Variants in MEGF6 observed in about 807,000 individuals in gnomAD.
MEGF6 encodes multiple epidermal growth factor-like domains protein 6.
A neutral mutation model predicts 207.1 loss-of-function variants in MEGF6; 184 were observed. The observed-to-expected ratio is 0.89, with a 90% CI of 0.79 to 1.00. The LOEUF (loss-of-function observed/expected upper bound fraction) is 1.00. Ranked by LOEUF, MEGF6 falls within the 50% of genes least tolerant of loss-of-function variation. The probability of loss-of-function intolerance (pLI) is 0.00; values close to 1 mark genes in which losing one functional copy is unlikely to be tolerated. For synonymous variants in MEGF6, 1,038 were observed against 910.0 expected (o/e 1.14, Z -2.53); for missense variants, 2,282 against 2,202.9 (o/e 1.04, Z -0.72).
intron 4 of MEGF6, among the ~76,000 whole-genome samples, chr1:3,563,368 C>T (rs954124477): frequency 3.3e-5 from 5 of 152,124 alleles, no homozygotes; most frequent in African/African-American, 4.8e-5. Context: ...AGCCTCCCAC[C>T]GCCCAGACCA....
intron 2 of MEGF6, among the ~76,000 whole-genome samples, chr1:3,598,670 G>A (rs180883218): frequency 2.7e-5 from 4 of 150,466 alleles, no homozygotes; most frequent in Admixed American, 1.3e-4. Context: ...GGGCTCCAAC[G>A]CTGGGGAGCT....
At position 3,517,123 on chromosome 1, in the gene MEGF6, G is replaced by A. The variant is rs150376225; in HGVS notation, c.605-1596C>T. Among the ~76,000 whole-genome samples the A allele has an allele frequency of 1.3e-5, 2 of 152,336 alleles. 1 individual carries two copies. Among genetic ancestry groups the A allele is most frequent in the Non-Finnish European group, 2.9e-5 (2 of 68,018 alleles). The stretch of plus-strand genomic sequence containing the variant: ...AGGGGCCCTGTTTATTGTGTTCACC[G>A]CAGCAACAGCACCCCTGTCTGGAAC... On this transcript the variant is annotated intron_variant, in intron 5 of 36. Transcript: ENST00000356575.
intron 4 of MEGF6, among the ~76,000 whole-genome samples, chr1:3,561,881 C>T (rs1254511983): frequency 6.6e-6 from 1 of 152,232 alleles, no homozygotes; most frequent in Non-Finnish European, 1.5e-5. Flanking sequence ...GCTTTTCGTT[C>T]CCATTTGTTT....
At chr1:3,517,952 C>T (rs1641607698) in intron 5 of MEGF6, among the ~76,000 whole-genome samples, 1 of 152,354 alleles carries the variant, frequency 6.6e-6, no homozygotes, top group Middle Eastern at 3.4e-3. Context: ...TGATGGTCAG[C>T]ATGCATAATC....
intron 7 of MEGF6, among the ~76,000 whole-genome samples, chr1:3,512,727 C>T (rs1222055260): frequency 2.0e-5 from 3 of 152,254 alleles, no homozygotes; most frequent in African/African-American, 7.2e-5. Context: ...CCGCCCCAAG[C>T]CATGTGGAAC....
intron 4 of MEGF6, chr1:3,531,335 C>A (rs3927734): frequency 4.9e-6 from 6 of 1,220,592 alleles, no homozygotes; most frequent in Non-Finnish European, 6.1e-6. Context: ...GCGGCTCGGG[C>A]TGGTTCTGGG....
At chr1:3,498,901 C>T (rs897871562) in intron 24 of MEGF6, 75 bp from the exon 25 acceptor site, 1 of 1,520,826 alleles carries the variant, frequency 6.6e-7, no homozygotes, top group Non-Finnish European at 8.9e-7. Flanking sequence ...GCTTTCCAGC[C>T]CCATGTTGGA....
chr1:3,622,222 G>A, the MEGF6 span, among the ~76,000 whole-genome samples: 4 of 152,198 alleles, frequency 2.6e-5, no homozygotes, highest in Non-Finnish European at 4.4e-5. Context: ...TGTCGAGGGA[G>A]GGACCTGGTG....
intron 4 of MEGF6, among the ~76,000 whole-genome samples, chr1:3,553,718 A>C (rs1642955151): frequency 6.6e-6 from 1 of 152,164 alleles, no homozygotes; most frequent in Non-Finnish European, 1.5e-5. Context: ...GCTGGCCCGG[A>C]GTCCACCACG....
chr1:3,501,286 C>T lies in MEGF6; in HGVS notation c.2337G>A (p.Gly779=). Residue 779 remains glycine, a synonymous_variant, in exon 19 of 37, where the codon GGG becomes GGA. Coordinates refer to ENST00000356575, the MANE Select transcript of MEGF6 (RefSeq NM_001409.4). ...CTGGGCAGATCTCCTGGCAGCCCAG[C>T]CCCCAGCGGCCCTCGGGACAATCTA... ...CEADCPEGRW[G]LGCQEICPAC... The T allele has an allele frequency of 6.2e-7, 1 of 1,601,930 alleles. No homozygotes were observed. Among genetic ancestry groups the T allele is most frequent in the South Asian group, 1.1e-5 (1 of 89,770 alleles).
chr1:3,498,886 GTCTGGCTTTCCAGCC>G (rs1377255008), intron 24 of MEGF6, 60 bp from the exon 25 acceptor site: 419 of 1,532,636 alleles, frequency 2.7e-4, no homozygotes, highest in Non-Finnish European at 3.5e-4. Flanking sequence ...CACAGGGTCT[GTCTGGCTTTCCAGCC>G]CCATGTTGGA....
In MEGF6 at chr1:3,512,122, T is replaced by C; in HGVS notation, c.860A>G (p.Asp287Gly). 6.2e-7 allele frequency: 1 copy of C among 1,606,300 alleles called. No homozygotes were observed. The highest frequency in any genetic ancestry group is 1.3e-5 in the African/African-American group (1 of 74,942). ...CTGGGCCAGCCCTGCGGCACATTCG[T>C]CCACATCTGGAGGGGAGAGACCACA... is the stretch of plus-strand genomic sequence containing the variant. ...AADGKACEDV[D>G]ECAAGLAQCA... The change falls in exon 8 of 37, where the codon GAC (aspartate) becomes GGC (glycine). Residue 287 changes from aspartate to glycine, a missense_variant. Transcript: ENST00000356575.
chr1:3,600,993 G>A (rs929927919), intron 2 of MEGF6, among the ~76,000 whole-genome samples: 1 of 152,178 alleles, frequency 6.6e-6, no homozygotes, highest in African/African-American at 2.4e-5. Context: ...CGGACACCCT[G>A]CATTGGGTAA....
intron 5 of MEGF6, among the ~76,000 whole-genome samples, chr1:3,517,962 C>T (rs980236904): frequency 2.6e-5 from 4 of 152,228 alleles, no homozygotes; most frequent in Admixed American, 1.3e-4. Context: ...CATGCATAAT[C>T]GCACCGCGTG....
At chr1:3,611,584 T>C (rs1398127083), upstream of MEGF6, 7 of 92,716 alleles carry the variant, frequency 7.5e-5, no homozygotes, top group African/African-American at 2.4e-4. Flanking sequence ...CGACCCGCCC[T>C]GGCTCGCCCG....
intron 5 of MEGF6, among the ~76,000 whole-genome samples, chr1:3,518,768 G>A (rs1641636256): frequency 6.6e-6 from 1 of 152,210 alleles, no homozygotes; most frequent in Non-Finnish European, 1.5e-5. Flanking sequence ...CTCCTGCCAC[G>A]TGTGGTCAGT....
intron 15 of MEGF6, 57 bp downstream of exon 15, chr1:3,506,051 C>T (rs756917120): frequency 1.0e-5 from 16 of 1,529,284 alleles, no homozygotes; most frequent in South Asian, 3.7e-5. Context: ...AGGACATGGA[C>T]CATCCCTTCC....
At chr1:3,492,797 C>T in intron 34 of MEGF6, 30 bp from the exon 35 acceptor site, 1 of 1,596,792 alleles carries the variant, frequency 6.3e-7, no homozygotes, top group East Asian at 2.3e-5. Context: ...GGAGACAAAC[C>T]TGAGCATCAT....
chr1:3,537,637 T>G (rs1284253526), intron 4 of MEGF6, among the ~76,000 whole-genome samples: 2 of 152,184 alleles, frequency 1.3e-5, no homozygotes, highest in African/African-American at 4.8e-5. Flanking sequence ...AAGGCGGGTG[T>G]GGCCACATGA....
Sources: gnomAD v4.1 joint callset for allele counts (sites outside exome capture counted in the v4.1 genomes callset) on GRCh38, gnomAD v4.1.1 for gene constraint, MANE v1.5 for transcripts, NCBI Gene and HGNC (gene_info 2026-07-23, HGNC 2026-07-21) for gene names.